ITPR1: variants seen among roughly 807,000 people sequenced by gnomAD.
ITPR1 encodes inositol 1,4,5-trisphosphate-gated calcium channel ITPR1.
In ITPR1, 96 loss-of-function variants were observed where a neutral mutation model predicts 318.4. The observed-to-expected ratio is 0.30, with a 90% CI of 0.26 to 0.36. The LOEUF is 0.36. Among genes scored for constraint, ITPR1 ranks in the 10% least tolerant of loss-of-function variants. The pLI, the probability that ITPR1 is intolerant of heterozygous loss-of-function variation, is 1.00. For missense variants in ITPR1, 2,440 were observed against 3,460.2 expected, an observed-to-expected ratio of 0.71 and a Z score of 7.40; for synonymous variants, 1,312 against 1,289.9, an observed-to-expected ratio of 1.02 and a Z score of -0.37.
In ITPR1 at chr3:4,808,027, C is replaced by A. The variant is rs554981066; in HGVS notation, c.7272+1760C>A. On this transcript the variant is annotated intron_variant, in intron 55 of 61. Transcript: ENST00000649015. The stretch of plus-strand genomic sequence containing the variant: ...AATCTGCCTCCAGTTGGCTTGGCTT[C>A]TTTTCTGTTCATTTGAGTCCTCTTC... Among the ~76,000 whole-genome samples, 596 of 152,336 alleles carry A rather than the reference C, an allele frequency of 3.9e-3. 4 individuals are homozygous for A. The highest frequency in any genetic ancestry group is 0.014 in the African/African-American group (573 of 41,578).
At chr3:4,746,616 G>A (rs767929632) in intron 44 of ITPR1, among the ~76,000 whole-genome samples, 10 of 152,308 alleles carry the variant, frequency 6.6e-5, no homozygotes, top group South Asian at 2.1e-4. Flanking sequence ...TGTAAGACCC[G>A]AGGGGGCAGA....
At chr3:4,715,186 C>T (rs2041677798) in intron 39 of ITPR1, among the ~76,000 whole-genome samples, 1 of 152,188 alleles carries the variant, frequency 6.6e-6, no homozygotes, top group African/African-American at 2.4e-5. Flanking sequence ...CAGTCCGATC[C>T]TAGAGTCCTA....
chr3:4,718,242 G>A (rs1464905439), intron 40 of ITPR1, among the ~76,000 whole-genome samples: 1 of 152,136 alleles, frequency 6.6e-6, no homozygotes, highest in Non-Finnish European at 1.5e-5. Context: ...AATTGAGAGG[G>A]TTTCATTGGT....
intron 4 of ITPR1, among the ~76,000 whole-genome samples, chr3:4,624,670 CAAAAAAAAA>C (rs1161664837): frequency 2.8e-5 from 2 of 72,506 alleles, no homozygotes; most frequent in African/African-American, 8.6e-5. Flanking sequence ...GCTCTGTCTC[CAAAAAAAAA>C]AAAAAAAAAA....
At chr3:4,528,890 A>G (rs1428636181) in intron 4 of ITPR1, among the ~76,000 whole-genome samples, 3 of 152,228 alleles carry the variant, frequency 2.0e-5, no homozygotes, top group South Asian at 2.1e-4. Flanking sequence ...AGTTTATCTC[A>G]ATCTTGGACC....
Position 4,836,928 on chromosome 3 carries a change from A to C in ITPR1, c.8183A>C (p.Lys2728Thr). 6.3e-7 allele frequency: 1 copy of C among 1,584,886 alleles called. No individual in the cohort carries two copies. Among genetic ancestry groups the C allele is most frequent in the East Asian group, 2.2e-5 (1 of 44,588 alleles). The change falls in exon 61 of 62, where the codon AAG becomes ACG. Residue 2728 changes from lysine (K) to threonine (T), a missense_variant. Lys to Thr is a moderately conservative substitution (Grantham distance 78). Transcript: ENST00000649015. ...CTTTCTGGCCAGCTGTCGGAATTAAAGGATCAGGTAAAGAAAGAAAATCCC... is the reference window on the plus strand; with the variant it reads ...CTTTCTGGCCAGCTGTCGGAATTAACGGATCAGGTAAAGAAAGAAAATCCC... ...TNLSGQLSELKDQMTEQRKQK... is the reference protein window; with the variant it reads ...TNLSGQLSELTDQMTEQRKQK...
At chr3:4,615,127 A>G (rs2092333163) in intron 4 of ITPR1, among the ~76,000 whole-genome samples, 2 of 152,200 alleles carry the variant, frequency 1.3e-5, no homozygotes, top group South Asian at 2.1e-4. Context: ...TGCCTCTGTC[A>G]CAGTGACCCC....
intron 4 of ITPR1, among the ~76,000 whole-genome samples, chr3:4,557,861 AT>A (rs2086285428): frequency 1.3e-5 from 2 of 152,240 alleles, no homozygotes; most frequent in South Asian, 2.1e-4. Context: ...TTCTAAAAAA[AT>A]ATGGTTATTT....
At chr3:4,737,324 C>T (rs754202348) in intron 44 of ITPR1, among the ~76,000 whole-genome samples, 7 of 152,206 alleles carry the variant, frequency 4.6e-5, no homozygotes, top group Non-Finnish European at 8.8e-5. Flanking sequence ...GGGGAACCAC[C>T]AAGGAAGAAG....
intron 52 of ITPR1, 138 bp downstream of exon 52, chr3:4,788,277 G>A (rs2047332267): frequency 2.8e-6 from 2 of 713,042 alleles, no homozygotes; most frequent in African/African-American, 1.8e-5. Flanking sequence ...TGACCACCAG[G>A]AAGTCATAAC....
At chr3:4,507,240 A>G (rs1439001748) in intron 2 of ITPR1, among the ~76,000 whole-genome samples, 3 of 152,060 alleles carry the variant, frequency 2.0e-5, no homozygotes, top group East Asian at 1.9e-4. Flanking sequence ...TTCACTGTAC[A>G]TGTGTGAGAG....
intron 37 of ITPR1, among the ~76,000 whole-genome samples, chr3:4,706,690 G>T (rs945434716): frequency 2.0e-5 from 3 of 152,094 alleles, no homozygotes; most frequent in Non-Finnish European, 4.4e-5. Context: ...CATCACTCTG[G>T]GGTTATTTAG....
chr3:4,661,856 T>C (rs1398233752), intron 14 of ITPR1, among the ~76,000 whole-genome samples: 1 of 152,220 alleles, frequency 6.6e-6, no homozygotes, highest in Non-Finnish European at 1.5e-5. Context: ...AAAATGATAT[T>C]AATGCCTCCT....
At chr3:4,762,848 A>G (rs2045548957) in intron 44 of ITPR1, among the ~76,000 whole-genome samples, 1 of 152,236 alleles carries the variant, frequency 6.6e-6, no homozygotes, top group African/African-American at 2.4e-5. Flanking sequence ...GTACATACCC[A>G]AAGGAACATA....
rs558178157 is a variant in ITPR1, at chr3:4,565,108, T to C, written c.163+44014T>C. ...TGGTGTGTACTGAGCATTGGTAGGCTCCTCTGTGATAAGATCTTGAATGTG... is the reference window on the plus strand; with the variant it reads ...TGGTGTGTACTGAGCATTGGTAGGCCCCTCTGTGATAAGATCTTGAATGTG... On this transcript the variant is annotated intron_variant, in intron 4 of 61. Transcript: ENST00000649015. Among the ~76,000 whole-genome samples the C allele has an allele frequency of 3.9e-5, 6 of 152,296 alleles. No individual in the cohort carries two copies. In the South Asian group the frequency reaches 1.2e-3, roughly 32 times the overall value.
chr3:4,697,927 G>T (rs1372395842), intron 34 of ITPR1, among the ~76,000 whole-genome samples: 1 of 152,168 alleles, frequency 6.6e-6, no homozygotes, highest in African/African-American at 2.4e-5. Context: ...GTCTGTGCTT[G>T]AAGGGCACTT....
At chr3:4,697,352 G>GTGTA (rs2094576099) in intron 34 of ITPR1, 80 bp downstream of exon 34, 8 of 1,318,642 alleles carry the variant, frequency 6.1e-6, no homozygotes, top group African/African-American at 1.6e-5. Context: ...GTGTGTGTGT[G>GTGTA]TAGCATCTTT....
Position 4,733,216 on chromosome 3 carries a change from A to T in ITPR1, c.5349A>T (p.Gly1783=). 6.2e-7 allele frequency: 1 copy of T among 1,613,898 alleles called. No homozygotes were observed. Among genetic ancestry groups the T allele is most frequent in the Non-Finnish European group, 8.5e-7 (1 of 1,179,834 alleles). The change falls in exon 43 of 62, where the codon GGA becomes GGT. Residue 1783 remains glycine, a synonymous_variant. Coordinates refer to ENST00000649015, the MANE Select transcript of ITPR1 (RefSeq NM_001378452.1). ...CAGGAGGACCCGGCAAGCCCGGGGG[A>T]GGAGGTACGCTTTGTGGTGTAATTA... The part of the protein sequence containing the change: ...LSAGGPGKPG[G]GGGGSGSSSM...
chr3:4,767,509 T>C (rs2045895207), intron 45 of ITPR1, among the ~76,000 whole-genome samples: 1 of 152,188 alleles, frequency 6.6e-6, no homozygotes, highest in African/African-American at 2.4e-5. Context: ...CAGGCACTGT[T>C]CAACGTTCTT....
Sources: gnomAD v4.1 joint callset for allele counts (sites outside exome capture counted in the v4.1 genomes callset) on GRCh38, gnomAD v4.1.1 for gene constraint, MANE v1.5 for transcripts, NCBI Gene and HGNC (gene_info 2026-07-23, HGNC 2026-07-21) for gene names.